TBL1Y: variants seen among roughly 807,000 people sequenced by gnomAD.
TBL1Y encodes F-box-like/WD repeat-containing protein TBL1Y.
Under a neutral mutation model 12.0 loss-of-function variants are expected in TBL1Y, and 15 were observed. The ratio of observed to expected loss-of-function variants is 1.25; its 90% CI spans 0.83 to 1.92. The LOEUF is 1.92. TBL1Y is among the 40% of genes most tolerant of loss of function. The pLI is 0.00. For synonymous variants in TBL1Y, 53 were observed against 42.6 expected, an observed-to-expected ratio of 1.24 and a Z score of -0.95; for missense variants, 148 against 116.7, an observed-to-expected ratio of 1.27 and a Z score of -1.24.
chrY:6,938,838 C>T (rs903180260), intron 2 of TBL1Y, among the ~76,000 whole-genome samples: 2 of 33,422 alleles, frequency 6.0e-5, no homozygotes, highest in African/African-American at 2.4e-4. Context: ...AGATGCAGAC[C>T]TTTGCAGAGA....
intron 16 of TBL1Y, 39 bp from the exon 17 acceptor site, chrY:7,087,228 G>A: frequency 6.7e-6 from 2 of 298,380 alleles, no homozygotes; most frequent in African/African-American, 8.4e-5. Context: ...ATGTTGCCCA[G>A]CCTGGTCTTC....
intron 2 of TBL1Y, among the ~76,000 whole-genome samples, chrY:6,938,734 A>G: frequency 6.0e-5 from 2 of 33,388 alleles, no homozygotes; most frequent in Non-Finnish European, 1.5e-4. Flanking sequence ...GTTCTTAAAG[A>G]TGATGTGTCC....
At chrY:7,090,953 G>GGCTGAGAA (rs2013172110) in intron 18 of TBL1Y, among the ~76,000 whole-genome samples, 1 of 33,419 alleles carries the variant, frequency 3.0e-5, no homozygotes, top group Non-Finnish European at 7.4e-5. Flanking sequence ...TCCATGCTGA[G>GGCTGAGAA]GCTGAGAAGT....
At chrY:7,040,904 C>G in intron 6 of TBL1Y, among the ~76,000 whole-genome samples, 1 of 34,289 alleles carries the variant, frequency 2.9e-5, no homozygotes, top group Non-Finnish European at 7.3e-5. Context: ...GGGCATGTGA[C>G]TGCAGGTGTC....
At chrY:6,965,235 T>A in intron 2 of TBL1Y, among the ~76,000 whole-genome samples, 2 of 33,119 alleles carry the variant, frequency 6.0e-5, no homozygotes, top group Admixed American at 5.5e-4. Context: ...TCTGGACCTT[T>A]TCCCCCCAAT....
chrY:6,932,688 G>A, intron 2 of TBL1Y, among the ~76,000 whole-genome samples: 1 of 32,474 alleles, frequency 3.1e-5, no homozygotes, highest in African/African-American at 1.2e-4. Context: ...GGCCAGGCTG[G>A]TCTTGAACTC....
intron 4 of TBL1Y, among the ~76,000 whole-genome samples, chrY:7,013,534 C>T: frequency 2.9e-5 from 1 of 34,518 alleles, no homozygotes; most frequent in Admixed American, 2.6e-4. Flanking sequence ...AGTAAATTTT[C>T]CTTGCTGAGA....
chrY:7,083,007 A>G, intron 14 of TBL1Y, among the ~76,000 whole-genome samples: 1 of 33,265 alleles, frequency 3.0e-5, no homozygotes, highest in African/African-American at 1.2e-4. Context: ...GAGCACAGGC[A>G]TTTGTTATCC....
chrY:6,991,349 C>T, intron 3 of TBL1Y, among the ~76,000 whole-genome samples: 1 of 33,149 alleles, frequency 3.0e-5, no homozygotes, highest in Non-Finnish European at 7.4e-5. Flanking sequence ...TGAGACAGCC[C>T]ATAACCCTGG....
intron 3 of TBL1Y, among the ~76,000 whole-genome samples, chrY:6,984,786 A>G: frequency 3.0e-5 from 1 of 33,759 alleles, no homozygotes; most frequent in South Asian, 6.7e-4. Flanking sequence ...GGACCCACAT[A>G]TTTTGCTGCT....
intron 7 of TBL1Y, among the ~76,000 whole-genome samples, chrY:7,046,935 T>C (rs2012762048): frequency 5.9e-5 from 2 of 33,926 alleles, no homozygotes; most frequent in Non-Finnish European, 1.5e-4. Flanking sequence ...AGTTTCTTGA[T>C]AGTAGAAGTC....
At chrY:6,992,260 G>A (rs758144223) in intron 3 of TBL1Y, among the ~76,000 whole-genome samples, 2 of 33,647 alleles carry the variant, frequency 5.9e-5, no homozygotes, top group South Asian at 7.0e-4. Context: ...GATCTGTTCC[G>A]TGCCTGTCTC....
intron 2 of TBL1Y, among the ~76,000 whole-genome samples, chrY:6,954,069 G>C (rs2012050942): frequency 4.7e-4 from 16 of 33,749 alleles, no homozygotes; most frequent in Non-Finnish European, 8.9e-4. Context: ...CCGGCCATGT[G>C]GGGTGTCAGT....
intron 3 of TBL1Y, among the ~76,000 whole-genome samples, chrY:6,984,213 C>A (rs1003851188): frequency 3.1e-5 from 1 of 32,669 alleles, no homozygotes; most frequent in Non-Finnish European, 7.5e-5. Context: ...ACTTGTGGAG[C>A]CAGCGTGCAC....
chrY:7,088,737 GAAATGC>G (rs2013155965), intron 17 of TBL1Y, among the ~76,000 whole-genome samples: 1 of 33,426 alleles, frequency 3.0e-5, no homozygotes. Flanking sequence ...GTAAATCAAG[GAAATGC>G]TTAGCGTTTC....
At chrY:7,041,809 G>A (rs756090620) in intron 6 of TBL1Y, among the ~76,000 whole-genome samples, 1 of 32,519 alleles carries the variant, frequency 3.1e-5, no homozygotes, top group African/African-American at 1.2e-4. Context: ...CTTCCCCATC[G>A]CCCCTAGACT....
chrY:7,062,636 A>C, intron 7 of TBL1Y, among the ~76,000 whole-genome samples: 1 of 32,647 alleles, frequency 3.1e-5, no homozygotes, highest in Non-Finnish European at 7.5e-5. Context: ...GTTACTGAAA[A>C]ATTCTCACCT....
At chrY:6,928,618 G>A (rs780749242) in intron 2 of TBL1Y, among the ~76,000 whole-genome samples, 3 of 33,768 alleles carry the variant, frequency 8.9e-5, no homozygotes, top group South Asian at 1.3e-3. Flanking sequence ...TGTTGTGGGC[G>A]TCTGCATCTG....
intron 5 of TBL1Y, among the ~76,000 whole-genome samples, chrY:7,022,522 T>G (rs773512553): frequency 3.0e-5 from 1 of 33,808 alleles, no homozygotes; most frequent in African/African-American, 1.1e-4. Flanking sequence ...AAACAAAATT[T>G]GTAATATATT....
Sources: allele counts gnomAD v4.1 joint callset (sites outside exome capture counted in the v4.1 genomes callset), GRCh38; gene constraint gnomAD v4.1.1; transcripts MANE v1.5; gene names NCBI Gene and HGNC (gene_info 2026-07-23, HGNC 2026-07-21).